PGM5: variants seen among roughly 807,000 people sequenced by gnomAD.
PGM5 encodes the protein phosphoglucomutase 5, also known as phosphoglucomutase-like protein 5.
In PGM5, 23 loss-of-function variants were observed where a neutral mutation model predicts 59.2. The ratio of observed to expected loss-of-function variants is 0.39; its 90% CI spans 0.28 to 0.55. The LOEUF is 0.55. Among genes scored for constraint, PGM5 ranks in the 20% least tolerant of loss-of-function variants. The pLI is 0.66. For missense variants in PGM5, 574 were observed against 748.3 expected (o/e 0.77, Z 2.72); for synonymous variants, 214 against 286.0 (o/e 0.75, Z 2.54).
intron 6 of PGM5, among the ~76,000 whole-genome samples, chr9:68,462,521 A>G (rs1554685488): frequency 6.6e-6 from 1 of 152,174 alleles, no homozygotes; most frequent in Non-Finnish European, 1.5e-5. Context: ...TAGTTATAAA[A>G]GTATCCGGTC....
rs542343943 is a variant in PGM5 at position 68,466,227 on chromosome 9, C to T, written c.1159+1019C>T. 324 of 1,235,166 alleles carry T rather than the reference C, an allele frequency of 2.6e-4. 4 individuals are homozygous for T. Among genetic ancestry groups the T allele is most frequent in the South Asian group, 2.1e-3 (142 of 68,958 alleles). 76.5% of individuals were successfully genotyped at this position (1,235,166 alleles called of 1,614,324 possible). ...TCTTTCCTTAGCTGTGTCCAATCTGCTGATGAGCCTGTTGAAGGAATTCTT... is the reference window on the plus strand; with the variant it reads ...TCTTTCCTTAGCTGTGTCCAATCTGTTGATGAGCCTGTTGAAGGAATTCTT... On this transcript the variant is annotated intron_variant, in intron 7 of 10. Coordinates refer to ENST00000396396, the MANE Select transcript of PGM5 (RefSeq NM_021965.4).
chr9:68,476,736 A>G (rs1432284043), intron 7 of PGM5, among the ~76,000 whole-genome samples: 1 of 152,246 alleles, frequency 6.6e-6, no homozygotes, highest in Non-Finnish European at 1.5e-5. Flanking sequence ...ACTTGTAGGC[A>G]AGGATGTCCA....
At chr9:68,493,173 C>T (rs1293511810) in intron 9 of PGM5, among the ~76,000 whole-genome samples, 5 of 152,186 alleles carry the variant, frequency 3.3e-5, no homozygotes, top group African/African-American at 1.2e-4. Flanking sequence ...CCCTGCCTGG[C>T]TACAACATGT....
chr9:68,382,820 C>A (rs1238280762), intron 2 of PGM5, among the ~76,000 whole-genome samples: 3 of 151,596 alleles, frequency 2.0e-5, no homozygotes, highest in Admixed American at 6.6e-5. Context: ...GCATCATAGA[C>A]AACTATCTAG....
chr9:68,445,101 A>G (rs1823590777), intron 6 of PGM5, among the ~76,000 whole-genome samples: 1 of 152,098 alleles, frequency 6.6e-6, no homozygotes, highest in South Asian at 2.1e-4. Flanking sequence ...TTAATTTCTT[A>G]GCTGAGTATA....
At chr9:68,526,244 G>A (rs1456596964) in intron 10 of PGM5, among the ~76,000 whole-genome samples, 1 of 152,144 alleles carries the variant, frequency 6.6e-6, no homozygotes, top group Non-Finnish European at 1.5e-5. Context: ...CAGTGAGGTG[G>A]TCTTCTTCCC....
intron 10 of PGM5, among the ~76,000 whole-genome samples, chr9:68,522,349 A>G (rs1325855093): frequency 1.3e-5 from 2 of 152,196 alleles, no homozygotes; most frequent in Non-Finnish European, 2.9e-5. Context: ...GATGAGAATG[A>G]GGAAGTAGAT....
intron 3 of PGM5, 41 bp from the exon 4 acceptor site, chr9:68,387,422 G>C (rs200947393): frequency 9.2e-6 from 14 of 1,523,778 alleles, no homozygotes; most frequent in Non-Finnish European, 1.2e-5. Flanking sequence ...ATCTTTCATG[G>C]GTACAGTCAA....
intron 2 of PGM5, among the ~76,000 whole-genome samples, chr9:68,379,656 T>C (rs578128532): frequency 6.6e-6 from 1 of 152,202 alleles, no homozygotes; most frequent in South Asian, 2.1e-4. Flanking sequence ...AGATACAGAA[T>C]GGCTGAGTGG....
chr9:68,399,245 C>T (rs1243367191), intron 6 of PGM5: 1 of 151,976 alleles, frequency 6.6e-6, no homozygotes, highest in Non-Finnish European at 1.5e-5. Context: ...CACTTCCTAT[C>T]ACAGTGAATA....
At chr9:68,381,221 T>A (rs1477910847) in intron 2 of PGM5, among the ~76,000 whole-genome samples, 1 of 151,908 alleles carries the variant, frequency 6.6e-6, no homozygotes, top group Non-Finnish European at 1.5e-5. Flanking sequence ...CATGGCCAAG[T>A]GGGATTTATC....
At chr9:68,380,782 G>A (rs2265173) in intron 2 of PGM5, among the ~76,000 whole-genome samples, 1 of 151,164 alleles carries the variant, frequency 6.6e-6, no homozygotes, top group Non-Finnish European at 1.5e-5. Flanking sequence ...AATAAAAATG[G>A]TCATAAGGGA....
chr9:68,483,052 C>T (rs1554687248), intron 8 of PGM5, among the ~76,000 whole-genome samples: 1 of 152,170 alleles, frequency 6.6e-6, no homozygotes, highest in African/African-American at 2.4e-5. Context: ...TTCTCCCTTT[C>T]TTTTTACCTT....
chr9:68,450,834 C>T (rs1179189101), intron 6 of PGM5, among the ~76,000 whole-genome samples: 5 of 152,082 alleles, frequency 3.3e-5, no homozygotes, highest in Non-Finnish European at 5.9e-5. Flanking sequence ...ATCTCATATT[C>T]GAAATCTGCA....
chr9:68,485,986 T>C (rs577157774), intron 9 of PGM5, among the ~76,000 whole-genome samples: 7 of 152,346 alleles, frequency 4.6e-5, no homozygotes, highest in Non-Finnish European at 8.8e-5. Context: ...AATCCCTGCA[T>C]AGCAGTGTTG....
intron 6 of PGM5, 96 bp downstream of exon 6, chr9:68,392,569 T>G: frequency 1.3e-6 from 2 of 1,553,772 alleles, no homozygotes; most frequent in Non-Finnish European, 1.7e-6. Flanking sequence ...CCTGCTCCAT[T>G]TGGGAATGCG....
At chr9:68,420,949 G>C (rs925976100) in intron 6 of PGM5, among the ~76,000 whole-genome samples, 16 of 152,242 alleles carry the variant, frequency 1.1e-4, no homozygotes, top group African/African-American at 3.9e-4. Flanking sequence ...TAAAGTGTAA[G>C]GTGTTATGAT....
intron 1 of PGM5, among the ~76,000 whole-genome samples, chr9:68,373,953 G>A (rs3953666): frequency 6.6e-6 from 1 of 152,202 alleles, no homozygotes; most frequent in East Asian, 1.9e-4. Flanking sequence ...CAGCCTAGAA[G>A]AAACACACAT....
chr9:68,378,255 C>T lies in PGM5; in HGVS notation c.318C>T (p.Cys106=), dbSNP rs781987584. 5 of 1,603,982 alleles carry T rather than the reference C, an allele frequency of 3.1e-6. No homozygotes were observed. The South Asian group carries it at 4.4e-5, about 14-fold the overall frequency. The change falls in exon 2 of 11, where the codon TGC becomes TGT. Residue 106 remains cysteine (C), a synonymous_variant. Coordinates refer to ENST00000396396, the MANE Select transcript of PGM5 (RefSeq NM_021965.4). ...NGILSTPAVS[C]IIRKIKAAGG... ...TCTTGTCGACACCTGCGGTCTCCTG[C>T]ATTATCAGGAAGATCAAGGCAGCTG...
Sources: gnomAD v4.1 joint callset for allele counts (sites outside exome capture counted in the v4.1 genomes callset) on GRCh38, gnomAD v4.1.1 for gene constraint, MANE v1.5 for transcripts, NCBI Gene and HGNC (gene_info 2026-07-23, HGNC 2026-07-21) for gene names.